The following NTRK2 variants were observed in gnomAD, a reference collection of about 807,000 sequenced individuals.
NTRK2 encodes the protein neurotrophic receptor tyrosine kinase 2.
Under a neutral mutation model 94.5 loss-of-function variants are expected in NTRK2, and 13 were observed. The ratio of observed to expected loss-of-function variants is 0.14; its 90% CI spans 0.09 to 0.22. NTRK2 has a LOEUF of 0.22. Among genes scored for constraint, NTRK2 ranks in the 10% least tolerant of loss-of-function variants. NTRK2 has a pLI of 1.00. For synonymous variants in NTRK2, 372 were observed against 407.4 expected (o/e 0.91, Z 1.05); for missense variants, 639 against 1,071.2 (o/e 0.60, Z 5.63).
intron 12 of NTRK2, among the ~76,000 whole-genome samples, chr9:84,842,223 G>A (rs765395674): frequency 6.6e-6 from 1 of 152,070 alleles, no homozygotes; most frequent in African/African-American, 2.4e-5. Context: ...TCCGTTCCTC[G>A]TGAAGAGGCT....
At chr9:84,830,458 C>T (rs145575263) in intron 12 of NTRK2, among the ~76,000 whole-genome samples, 4 of 152,026 alleles carry the variant, frequency 2.6e-5, no homozygotes, top group Admixed American at 6.6e-5. Flanking sequence ...TATTATTTTC[C>T]TGTCTCCTTA....
At chr9:84,821,815 TAG>T (rs55923826) in intron 12 of NTRK2, among the ~76,000 whole-genome samples, 1,513 of 147,418 alleles carry the variant, frequency 0.01, 19 homozygotes, top group African/African-American at 0.029. Flanking sequence ...GGGAGAGAAG[TAG>T]AGAGAGAGAG....
At chr9:84,868,909 T>C (rs1447069896) in intron 14 of NTRK2, among the ~76,000 whole-genome samples, 1 of 152,168 alleles carries the variant, frequency 6.6e-6, no homozygotes, top group Non-Finnish European at 1.5e-5. Context: ...TCAATTAGCC[T>C]GAGGCTGTAG....
chr9:84,871,131 C>T lies in NTRK2; in HGVS notation c.1633+3700C>T, dbSNP rs371995815. 1.2e-3 allele frequency among the ~76,000 whole-genome samples: 177 copies of T among 152,242 alleles called. 2 individuals are homozygous for T. Among genetic ancestry groups the T allele is most frequent in the African/African-American group, 3.2e-3 (134 of 41,544 alleles). On this transcript the variant is annotated intron_variant, in intron 14 of 18. Coordinates refer to ENST00000277120, the MANE Select transcript of NTRK2 (RefSeq NM_006180.6). Reference sequence around the variant, plus strand: ...CTGGCAAGGCCAATGGTTAGATCATCATATAATCATAATGCAATGTGATAG... The same window carrying T: ...CTGGCAAGGCCAATGGTTAGATCATTATATAATCATAATGCAATGTGATAG...
intron 2 of NTRK2, among the ~76,000 whole-genome samples, chr9:84,688,385 C>T (rs892948272): frequency 3.3e-5 from 5 of 152,168 alleles, no homozygotes; most frequent in African/African-American, 9.7e-5. Flanking sequence ...GGGCATATGT[C>T]CTGGGAGTGT....
chr9:84,943,239 C>T (rs560055888), intron 15 of NTRK2, among the ~76,000 whole-genome samples: 47 of 152,210 alleles, frequency 3.1e-4, no homozygotes, highest in Non-Finnish European at 6.0e-4. Context: ...TTTGTCACAT[C>T]CTACAATATT....
At chr9:84,890,259 G>A (rs893302573) in intron 14 of NTRK2, among the ~76,000 whole-genome samples, 3 of 152,192 alleles carry the variant, frequency 2.0e-5, no homozygotes, top group African/African-American at 7.2e-5. Flanking sequence ...AATAAAACAT[G>A]GTGGTGATGG....
chr9:84,845,687 A>G (rs758336575), intron 12 of NTRK2, among the ~76,000 whole-genome samples: 4 of 152,186 alleles, frequency 2.6e-5, no homozygotes, highest in African/African-American at 9.7e-5. Flanking sequence ...CAAACACTAT[A>G]TATTCTCATG....
chr9:84,987,104 A>T (rs1828415692), intron 17 of NTRK2, among the ~76,000 whole-genome samples: 1 of 152,210 alleles, frequency 6.6e-6, no homozygotes, highest in South Asian at 2.1e-4. Flanking sequence ...TTTAAGACCC[A>T]GGTTGACCCA....
chr9:84,785,378 A>G (rs761163605), intron 12 of NTRK2, among the ~76,000 whole-genome samples: 1 of 152,200 alleles, frequency 6.6e-6, no homozygotes, highest in Non-Finnish European at 1.5e-5. Context: ...TCTATATTCT[A>G]AATCTGATGA....
In NTRK2 at chr9:84,939,606, T is replaced by C. The variant is rs181230367; in HGVS notation, c.1764+5314T>C. Among the ~76,000 whole-genome samples the C allele has an allele frequency of 1.3e-3, 194 of 152,312 alleles. 1 individual carries two copies. The highest frequency in any genetic ancestry group is 2.2e-3 in the Non-Finnish European group (150 of 68,016). On this transcript the variant is annotated intron_variant, in intron 15 of 18. Transcript: ENST00000277120. ...CAAGGGAATAAGTGGAAATAAGATA[T>C]ACTGGATTCCTGAGGGAGTGTTTAG... is the stretch of plus-strand genomic sequence containing the variant.
chr9:84,872,376 G>A, intron 14 of NTRK2: 1 of 1,092,486 alleles, frequency 9.2e-7, no homozygotes, highest in Non-Finnish European at 1.1e-6. Flanking sequence ...GGGCAGGAGT[G>A]TGTTTTATCT....
intron 17 of NTRK2, among the ~76,000 whole-genome samples, chr9:84,962,559 A>T (rs1350377389): frequency 1.3e-5 from 2 of 152,126 alleles, no homozygotes; most frequent in African/African-American, 4.8e-5. Flanking sequence ...TAGAAGTGCT[A>T]CATTCAGAAA....
chr9:84,776,056 C>G (rs2066998377), intron 12 of NTRK2, among the ~76,000 whole-genome samples: 1 of 151,996 alleles, frequency 6.6e-6, no homozygotes, highest in African/African-American at 2.4e-5. Context: ...GGGCTGTTTT[C>G]TACATTATTA....
At chr9:85,006,714 T>C (rs1831009883) in intron 17 of NTRK2, among the ~76,000 whole-genome samples, 1 of 151,890 alleles carries the variant, frequency 6.6e-6, no homozygotes, top group East Asian at 1.9e-4. Flanking sequence ...CATCTGTGCT[T>C]TCAGTGGCTT....
At chr9:84,793,788 T>G (rs2133241895) in intron 12 of NTRK2, among the ~76,000 whole-genome samples, 1 of 152,310 alleles carries the variant, frequency 6.6e-6, no homozygotes, top group South Asian at 2.1e-4. Flanking sequence ...CAGGGGTCAG[T>G]ACACTGCAGC....
intron 17 of NTRK2, among the ~76,000 whole-genome samples, chr9:84,988,208 C>T (rs1331546339): frequency 6.6e-6 from 1 of 152,156 alleles, no homozygotes; most frequent in Non-Finnish European, 1.5e-5. Flanking sequence ...CCAGAAAATG[C>T]AGCCACGCCA....
chr9:84,766,724 T>TGA (rs2066065758), intron 12 of NTRK2, among the ~76,000 whole-genome samples: 2 of 151,554 alleles, frequency 1.3e-5, no homozygotes, highest in Admixed American at 1.3e-4. Context: ...ACACATTCAA[T>TGA]GCACACAAAC....
intron 14 of NTRK2, chr9:84,873,269 G>T: frequency 9.4e-7 from 1 of 1,060,018 alleles, no homozygotes; most frequent in Non-Finnish European, 1.1e-6. Context: ...AATAATGGCT[G>T]CTTTGGGAGT....
Sources: allele counts gnomAD v4.1 joint callset (sites outside exome capture counted in the v4.1 genomes callset), GRCh38; gene constraint gnomAD v4.1.1; transcripts MANE v1.5; gene names NCBI Gene and HGNC (gene_info 2026-07-23, HGNC 2026-07-21).